Variants in MALRD1 observed in about 807,000 individuals in gnomAD.
MALRD1 encodes MAM and LDL-receptor class A domain-containing protein 1.
In MALRD1, 247 loss-of-function variants were observed where a neutral mutation model predicts 242.1. That is an observed-to-expected ratio of 1.02 (90% confidence interval 0.92 to 1.13). The LOEUF is 1.13. Among genes scored for constraint, MALRD1 ranks in the 50% most tolerant of loss-of-function variants. The probability of loss-of-function intolerance (pLI) is 0.00; values close to 1 mark genes in which losing one functional copy is unlikely to be tolerated. For missense variants in MALRD1, 2,989 were observed against 2,533.1 expected (o/e 1.18, Z -3.86); for synonymous variants, 995 against 866.6 (o/e 1.15, Z -2.60).
intron 36 of MALRD1, among the ~76,000 whole-genome samples, chr10:19,671,779 T>C (rs376126327): frequency 1.3e-5 from 2 of 152,192 alleles, no homozygotes; most frequent in African/African-American, 4.8e-5. Context: ...TATACATTTT[T>C]AATTTAACAG....
At chr10:19,602,442 G>A (rs541408996) in intron 34 of MALRD1, among the ~76,000 whole-genome samples, 38 of 147,828 alleles carry the variant, frequency 2.6e-4, no homozygotes, top group African/African-American at 9.3e-4. Context: ...GAGAACACGC[G>A]GTGTTTGTTT....
At chr10:19,185,022 A>G (rs1835676185) in intron 14 of MALRD1, among the ~76,000 whole-genome samples, 1 of 152,198 alleles carries the variant, frequency 6.6e-6, no homozygotes, top group African/African-American at 2.4e-5. Context: ...ATAAGTTCCT[A>G]TTTTTGTGAA....
chr10:19,051,446 G>A (rs1242317690), intron 1 of MALRD1: 1 of 166,642 alleles, frequency 6.0e-6, no homozygotes, highest in Non-Finnish European at 1.3e-5. Flanking sequence ...TCTTGGACAG[G>A]GATGCAAGAT....
chr10:19,254,499 A>G (rs1396212339), intron 18 of MALRD1, among the ~76,000 whole-genome samples: 1 of 151,986 alleles, frequency 6.6e-6, no homozygotes, highest in African/African-American at 2.4e-5. Flanking sequence ...GTCATATAAA[A>G]GTGTATGTTT....
Position 19,133,962 on chromosome 10 carries a change from A to C in MALRD1, c.1203+14A>C, listed in dbSNP as rs1458056692. The C allele has an allele frequency of 2.5e-6, 3 of 1,194,590 alleles. No individual in the cohort carries two copies. Among genetic ancestry groups the C allele is most frequent in the Non-Finnish European group, 3.1e-6 (3 of 954,480 alleles). 74.0% of individuals were successfully genotyped at this position (1,194,590 alleles called of 1,614,324 possible). On this transcript the variant is annotated intron_variant, in intron 9 of 39. Transcript: ENST00000454679. ...AAGACATTTAAGGTATGAAAGAAAA[A>C]AAAAAAGTATTTTTTTATCATGGTT...
chr10:19,554,140 C>G lies in MALRD1; in HGVS notation c.5479-13362C>G, dbSNP rs971033845. On this transcript the variant is annotated intron_variant, in intron 32 of 39. Transcript: ENST00000454679. ...GATTATGGAACAAAGTTGTATTAGT[C>G]CACTTGTGTTGCTAAGAAGAAATAC... 2.6e-5 allele frequency among the ~76,000 whole-genome samples: 4 copies of G among 152,156 alleles called. No homozygotes were observed. In the East Asian group the frequency reaches 7.7e-4, roughly 29 times the overall value.
At chr10:19,555,011 A>G (rs1199347055) in intron 32 of MALRD1, among the ~76,000 whole-genome samples, 2 of 152,264 alleles carry the variant, frequency 1.3e-5, no homozygotes, top group Admixed American at 6.5e-5. Flanking sequence ...ATTCCTACCA[A>G]CAGTGTAAAA....
intron 35 of MALRD1, among the ~76,000 whole-genome samples, chr10:19,615,398 GC>G (rs1839098061): frequency 6.7e-6 from 1 of 149,782 alleles, no homozygotes; most frequent in African/African-American, 2.5e-5. Context: ...TGCCCCTGTG[GC>G]CCCAGCTATT....
chr10:19,109,840 A>G (rs908681196), intron 5 of MALRD1, among the ~76,000 whole-genome samples: 8 of 152,228 alleles, frequency 5.3e-5, no homozygotes, highest in Non-Finnish European at 2.9e-5. Flanking sequence ...AACCATGTCA[A>G]CTTCTGGCAG....
intron 5 of MALRD1, among the ~76,000 whole-genome samples, chr10:19,120,943 C>T (rs1054224264): frequency 2.6e-5 from 4 of 151,850 alleles, no homozygotes; most frequent in African/African-American, 4.8e-5. Flanking sequence ...GGAGTTTCGC[C>T]ATGTTGGCCA....
chr10:19,473,502 G>A (rs879874996), intron 29 of MALRD1, among the ~76,000 whole-genome samples: 9 of 151,850 alleles, frequency 5.9e-5, no homozygotes, highest in Non-Finnish European at 1.3e-4. Flanking sequence ...AGCCCCTGAT[G>A]TCTACCATTT....
intron 32 of MALRD1, among the ~76,000 whole-genome samples, chr10:19,563,162 G>C (rs1836078271): frequency 6.6e-6 from 1 of 152,144 alleles, no homozygotes; most frequent in African/African-American, 2.4e-5. Context: ...TGAAGCTATA[G>C]AGGGCAGTTA....
At chr10:19,121,502 T>A (rs1037545951) in intron 5 of MALRD1, among the ~76,000 whole-genome samples, 1 of 152,042 alleles carries the variant, frequency 6.6e-6, no homozygotes, top group African/African-American at 2.4e-5. Flanking sequence ...CTTTGAGAAG[T>A]TAGTTGGAGA....
chr10:19,080,933 C>T (rs1835468812), intron 2 of MALRD1, among the ~76,000 whole-genome samples: 2 of 151,944 alleles, frequency 1.3e-5, no homozygotes, highest in South Asian at 4.1e-4. Context: ...AAACAAACAA[C>T]CCCATTAAAA....
At chr10:19,366,618 TAATG>T (rs199662240) in intron 26 of MALRD1, among the ~76,000 whole-genome samples, 6,370 of 152,232 alleles carry the variant, frequency 0.042, 201 homozygotes, top group Non-Finnish European at 0.061. Context: ...TATTTTAAAT[TAATG>T]AATAGCATTT....
At chr10:19,316,476 CT>C (rs1291552469) in intron 21 of MALRD1, among the ~76,000 whole-genome samples, 1 of 151,782 alleles carries the variant, frequency 6.6e-6, no homozygotes, top group Non-Finnish European at 1.5e-5. Context: ...ACAGAATGTT[CT>C]TTTTTTCATT....
intron 18 of MALRD1, among the ~76,000 whole-genome samples, chr10:19,238,792 A>G (rs1177077965): frequency 6.6e-6 from 1 of 150,588 alleles, no homozygotes; most frequent in African/African-American, 2.4e-5. Context: ...TTTTTAACGA[A>G]CTTCCATAAA....
intron 26 of MALRD1, among the ~76,000 whole-genome samples, chr10:19,362,075 C>T (rs1844918057): frequency 6.6e-6 from 1 of 152,052 alleles, no homozygotes; most frequent in Admixed American, 6.6e-5. Flanking sequence ...AGCTTTGTGC[C>T]TACAAGCAAG....
chr10:19,393,002 G>C (rs551017404), intron 28 of MALRD1, among the ~76,000 whole-genome samples: 64 of 152,130 alleles, frequency 4.2e-4, no homozygotes, highest in Non-Finnish European at 4.4e-4. Context: ...GAGAGGCTCA[G>C]ATGAGCTAAG....
Sources: gnomAD v4.1 joint callset for allele counts (sites outside exome capture counted in the v4.1 genomes callset) on GRCh38, gnomAD v4.1.1 for gene constraint, MANE v1.5 for transcripts, NCBI Gene and HGNC (gene_info 2026-07-23, HGNC 2026-07-21) for gene names.